Variants in AQP8 observed in about 807,000 individuals in gnomAD.
The protein encoded by AQP8 is aquaporin-8.
AQP8 carries 14 observed loss-of-function variants against 26.1 expected under a neutral mutation model. The ratio of observed to expected loss-of-function variants is 0.54; its 90% confidence interval spans 0.35 to 0.84. The LOEUF (loss-of-function observed/expected upper bound fraction) is 0.84, where lower values mean the gene tolerates loss of function less well. Among genes scored for constraint, AQP8 ranks in the 40% least tolerant of loss-of-function variants. The pLI, the probability that AQP8 is intolerant of heterozygous loss-of-function variation, is 0.01. For missense variants in AQP8, 301 were observed against 340.5 expected (o/e 0.88, Z 0.91); for synonymous variants, 131 against 150.7 (o/e 0.87, Z 0.96).
intron 5 of AQP8, 25 bp from the exon 6 acceptor site, chr16:25,228,419 C>A: frequency 6.2e-7 from 1 of 1,613,576 alleles, no homozygotes; most frequent in South Asian, 1.1e-5. Context: ...GGGGCAGAGA[C>A]CTTACTGGGT....
intron 2 of AQP8, among the ~76,000 whole-genome samples, chr16:25,218,418 G>C (rs1211073004): frequency 6.6e-6 from 1 of 152,178 alleles, no homozygotes; most frequent in African/African-American, 2.4e-5. Flanking sequence ...TGTGGACATG[G>C]CTGCTGGTTC....
chr16:25,224,107 G>A (rs4787699), intron 3 of AQP8, among the ~76,000 whole-genome samples: 14,001 of 152,226 alleles, frequency 0.092, 994 homozygotes, highest in East Asian at 0.31. Flanking sequence ...GGTTGCTGGC[G>A]TGAGCCACCA....
At chr16:25,222,321 CCCCCT>C (rs1962573764) in intron 3 of AQP8, among the ~76,000 whole-genome samples, 1 of 152,078 alleles carries the variant, frequency 6.6e-6, no homozygotes, top group African/African-American at 2.4e-5. Context: ...CCTGCCAAAT[CCCCCT>C]CTGTGAGAAA....
chr16:25,224,630 C>T, intron 4 of AQP8, 54 bp downstream of exon 4: 7 of 1,554,370 alleles, frequency 4.5e-6, no homozygotes, highest in Non-Finnish European at 6.1e-6. Context: ...CTGTTCAGCT[C>T]TGGGGGATTT....
At position 25,224,453 on chromosome 16, in the gene AQP8, C is replaced by A. The variant is rs1182807009; in HGVS notation, c.479C>A (p.Ala160Glu). 8 of 1,614,196 alleles carry A rather than the reference C, an allele frequency of 5.0e-6. No homozygotes were observed. The South Asian group carries it at 8.8e-5, about 18-fold the overall frequency. The change falls in exon 4 of 6, where the codon GCA becomes GAA. Residue 160 changes from alanine (A) to glutamate (E), a missense_variant. Ala to Glu is a moderately radical substitution (Grantham distance 107, BLOSUM62 -1). Coordinates refer to ENST00000219660, the MANE Select transcript of AQP8 (RefSeq NM_001169.3). ...GGGCAGGTGGCAGGGGCGTTGGTGG[C>A]AGAGATCATCCTGACGACGCTGCTG... ...EQGQVAGALV[A>E]EIILTTLLAL... is the part of the protein sequence containing the mutation.
intron 4 of AQP8, among the ~76,000 whole-genome samples, chr16:25,226,569 G>A (rs1962636186): frequency 6.6e-6 from 1 of 151,992 alleles, no homozygotes; most frequent in South Asian, 2.1e-4. Flanking sequence ...GGTTACATGA[G>A]ATGTTTTGAT....
At position 25,227,111 on chromosome 16, in the gene AQP8, G is replaced by A; in HGVS notation, c.646G>A (p.Gly216Arg). The A allele has an allele frequency of 6.2e-7, 1 of 1,614,164 alleles. No individual in the cohort carries two copies. The highest frequency in any genetic ancestry group is 1.6e-4 in the Middle Eastern group (1 of 6,062). The change falls in exon 5 of 6, where the codon GGA becomes AGA. Residue 216 changes from glycine (G) to arginine (R), a missense_variant. Coordinates refer to ENST00000219660, the MANE Select transcript of AQP8 (RefSeq NM_001169.3). ...GGCMNPARAF[G>R]PAVVANHWNF... ...CTGCATGAATCCCGCCCGTGCTTTT[G>A]GACCTGCGGTGGTGGCCAACCACTG...
chr16:25,225,507 C>T (rs1225010060), intron 4 of AQP8, among the ~76,000 whole-genome samples: 2 of 150,820 alleles, frequency 1.3e-5, no homozygotes, highest in African/African-American at 4.9e-5. Context: ...CCCGGGTTCA[C>T]GCCATTGTCC....
At chr16:25,227,292 C>T in intron 5 of AQP8, 90 bp downstream of exon 5, 1 of 1,549,842 alleles carries the variant, frequency 6.5e-7, no homozygotes, top group Non-Finnish European at 8.8e-7. Context: ...TAGGCTCTCA[C>T]TTGGGTTTGG....
In AQP8 at chr16:25,226,617, C is replaced by T. The variant is rs61518424; in HGVS notation, c.603-451C>T. 8.6e-3 allele frequency among the ~76,000 whole-genome samples: 1,294 copies of T among 149,944 alleles called. 24 individuals are homozygous for T. Among genetic ancestry groups the T allele is most frequent in the African/African-American group, 0.029 (1,200 of 40,840 alleles). On this transcript the variant is annotated intron_variant, in intron 4 of 5. Transcript: ENST00000219660. Reference sequence around the variant, plus strand: ...TGTGTAATAATCACGTCAAAGTAAACGGGGTATTCATCCCCTCAAGCATTT... The same window carrying T: ...TGTGTAATAATCACGTCAAAGTAAATGGGGTATTCATCCCCTCAAGCATTT...
At chr16:25,226,258 T>G (rs748040920) in intron 4 of AQP8, among the ~76,000 whole-genome samples, 10 of 151,966 alleles carry the variant, frequency 6.6e-5, no homozygotes, top group African/African-American at 1.7e-4. Context: ...TTTTATTTTA[T>G]TTTTAGTTTT....
chr16:25,220,857 C>A (rs1962552526), intron 2 of AQP8, among the ~76,000 whole-genome samples: 1 of 152,148 alleles, frequency 6.6e-6, no homozygotes, highest in Non-Finnish European at 1.5e-5. Context: ...TTGAGACCAG[C>A]CTGACCAACA....
chr16:25,217,305 C>G lies in AQP8; in HGVS notation c.120C>G (p.Val40=), dbSNP rs371151656. 83 of 1,614,138 alleles carry G rather than the reference C, an allele frequency of 5.1e-5. 1 individual carries two copies. Among genetic ancestry groups the G allele is most frequent in the African/African-American group, 1.5e-4 (11 of 75,050 alleles). ...WYERFVQPCL[V]ELLGSALFIF... ...AACGGTTTGTGCAGCCATGTCTGGT[C>G]GAACTGCTGGGCTCTGCTCTCTTCA... The change falls in exon 2 of 6, where the codon GTC becomes GTG. Residue 40 remains valine (V), a synonymous_variant. Coordinates refer to ENST00000219660, the MANE Select transcript of AQP8 (RefSeq NM_001169.3).
rs551719124 is a variant in AQP8 at position 25,228,227 on chromosome 16, A to G, written c.738-217A>G. Among the ~76,000 whole-genome samples, 9 of 151,678 alleles carry G rather than the reference A, an allele frequency of 5.9e-5. No homozygotes were observed. The South Asian group carries it at 1.9e-3, about 32-fold the overall frequency. On this transcript the variant is annotated intron_variant, in intron 5 of 5. Coordinates refer to ENST00000219660, the MANE Select transcript of AQP8 (RefSeq NM_001169.3). ...AGCTGCAGTGAGCTGAGATCATGCTACTGTACTCCAGCCTGGGTGAGTGAG... is the reference window on the plus strand; with the variant it reads ...AGCTGCAGTGAGCTGAGATCATGCTGCTGTACTCCAGCCTGGGTGAGTGAG...
Position 25,217,293 on chromosome 16 carries a change from G to A in AQP8, c.108G>A (p.Gln36=), listed in dbSNP as rs1962500513. ...TGTCCTGGTACGAACGGTTTGTGCA[G>A]CCATGTCTGGTCGAACTGCTGGGCT... ...WRVSWYERFV[Q]PCLVELLGSA... Residue 36 remains glutamine, a synonymous_variant, in exon 2 of 6, where the codon CAG becomes CAA. Coordinates refer to ENST00000219660, the MANE Select transcript of AQP8 (RefSeq NM_001169.3). 2.5e-6 allele frequency: 4 copies of A among 1,614,236 alleles called. No individual in the cohort carries two copies. The highest frequency in any genetic ancestry group is 3.4e-6 in the Non-Finnish European group (4 of 1,180,046).
At chr16:25,225,224 T>G (rs1446344188) in intron 4 of AQP8, among the ~76,000 whole-genome samples, 1 of 152,194 alleles carries the variant, frequency 6.6e-6, no homozygotes, top group African/African-American at 2.4e-5. Context: ...CTTCAAGCCA[T>G]CCTCCTGCGT....
At chr16:25,226,055 G>C (rs188003469) in intron 4 of AQP8, among the ~76,000 whole-genome samples, 3 of 152,142 alleles carry the variant, frequency 2.0e-5, no homozygotes, top group Admixed American at 6.5e-5. Flanking sequence ...TCTGGGCTGG[G>C]GTTTTTCTTT....
At chr16:25,221,639 T>C (rs1051547355) in intron 3 of AQP8, 56 bp downstream of exon 3, 2 of 1,606,126 alleles carry the variant, frequency 1.2e-6, no homozygotes, top group Non-Finnish European at 1.7e-6. Flanking sequence ...CTGCTGGAGG[T>C]GCATATGTGG....
At chr16:25,224,851 TG>T (rs1369996516) in intron 4 of AQP8, among the ~76,000 whole-genome samples, 2 of 152,222 alleles carry the variant, frequency 1.3e-5, no homozygotes, top group East Asian at 1.9e-4. Flanking sequence ...TAAATCTGTA[TG>T]TGATGTTTTC....
Sources: gnomAD v4.1 joint callset for allele counts (sites outside exome capture counted in the v4.1 genomes callset) on GRCh38, gnomAD v4.1.1 for gene constraint, MANE v1.5 for transcripts, NCBI Gene and HGNC (gene_info 2026-07-23, HGNC 2026-07-21) for gene names.